The following MTHFD2L variants were observed in gnomAD, a reference collection of about 807,000 sequenced individuals.
The protein encoded by MTHFD2L is bifunctional methylenetetrahydrofolate dehydrogenase/cyclohydrolase 2, mitochondrial.
In MTHFD2L, 29 loss-of-function variants were observed where a neutral mutation model predicts 34.9. That is an observed-to-expected ratio of 0.83 (90% confidence interval 0.62 to 1.13). The LOEUF (loss-of-function observed/expected upper bound fraction) is 1.13, where lower values mean the gene tolerates loss of function less well. Ranked by LOEUF, MTHFD2L falls within the 50% of genes most tolerant of loss-of-function variation. MTHFD2L has a pLI of 0.00. For missense variants in MTHFD2L, 481 were observed against 446.5 expected, an observed-to-expected ratio of 1.08 and a Z score of -0.70; for synonymous variants, 167 against 155.7, an observed-to-expected ratio of 1.07 and a Z score of -0.54.
At chr4:74,157,243 A>G (rs188536764), upstream of MTHFD2L, 6 of 192,196 alleles carry the variant, frequency 3.1e-5, no homozygotes, top group East Asian at 4.3e-4. Flanking sequence ...ACAGTCTATG[A>G]TTTTAAAAAA....
chr4:74,199,746 C>A, intron 3 of MTHFD2L, 48 bp from the exon 4 acceptor site: 1 of 1,505,460 alleles, frequency 6.6e-7, no homozygotes. Flanking sequence ...TTCAGGCTAC[C>A]AAATAAATAA....
chr4:74,121,901 TGAGAAGGCAAC>T (rs2109776189), upstream of MTHFD2L, among the ~76,000 whole-genome samples: 1 of 151,914 alleles, frequency 6.6e-6, no homozygotes, highest in Non-Finnish European at 1.5e-5. Flanking sequence ...GAGGACACAA[TGAGAAGGCAAC>T]TATCTTCAAG....
upstream of MTHFD2L, among the ~76,000 whole-genome samples, chr4:74,119,075 C>A (rs760219018): frequency 6.6e-5 from 10 of 152,168 alleles, no homozygotes; most frequent in South Asian, 2.1e-4. Flanking sequence ...CATATCAAAA[C>A]CCTGTCAGTG....
rs1750426557 is a variant in MTHFD2L at position 74,302,400 on chromosome 4, A to G, written c.*591A>G. On this transcript the variant is annotated 3_prime_UTR_variant, in exon 8 of 8. Coordinates refer to ENST00000325278, the MANE Select transcript of MTHFD2L (RefSeq NM_001144978.3). ...AAATGATGTTCTATTTAAGGAAAGG[A>G]AAATATTCCGGGAAGGCAAAAAATG... is the stretch of plus-strand genomic sequence containing the variant. The G allele has an allele frequency of 6.6e-6, 1 of 152,108 alleles. No individual in the cohort carries two copies. The highest frequency in any genetic ancestry group is 1.5e-5 in the Non-Finnish European group (1 of 67,986). The allele number at this position is 152,108 out of a possible 1,614,324, so 9.4% of individuals were successfully genotyped here. A position where few individuals can be genotyped will look rare whatever the true frequency, so the allele number is the denominator to read the frequency against.
chr4:74,154,199 G>A (rs189346461), upstream of MTHFD2L, among the ~76,000 whole-genome samples: 1 of 152,210 alleles, frequency 6.6e-6, no homozygotes. Flanking sequence ...TACAATTCTC[G>A]CCACATTATA....
rs374287704 is a variant in MTHFD2L, at chr4:74,266,982, A to G, written c.806-14443A>G. The G allele has an allele frequency of 1.6e-5, 16 of 985,458 alleles. No homozygotes were observed. In the African/African-American group the frequency reaches 2.6e-4, roughly 16 times the overall value. 61.0% of individuals were successfully genotyped at this position (985,458 alleles called of 1,614,324 possible). ...AGAAATTGGACTAATTGGTTTTTCA[A>G]GTTGAGCTCTGGGGAACCTAAAGGG... is the stretch of plus-strand genomic sequence containing the variant. On this transcript the variant is annotated intron_variant, in intron 6 of 7. Transcript: ENST00000325278.
chr4:74,287,695 C>T (rs987339992), intron 7 of MTHFD2L, among the ~76,000 whole-genome samples: 5 of 152,186 alleles, frequency 3.3e-5, no homozygotes, highest in Admixed American at 1.3e-4. Context: ...TGCAGTGAGC[C>T]GAGATCGTGC....
At chr4:74,233,641 C>T (rs1415197483) in intron 6 of MTHFD2L, among the ~76,000 whole-genome samples, 1 of 152,028 alleles carries the variant, frequency 6.6e-6, no homozygotes, top group Non-Finnish European at 1.5e-5. Context: ...CTTTCTAATA[C>T]TTTGGTAATA....
rs933767519 is a variant in MTHFD2L, at chr4:74,160,921, T to G, written c.143+2640T>G. 1.3e-4 allele frequency: 20 copies of G among 152,350 alleles called. 1 individual carries two copies. Among genetic ancestry groups the G allele is most frequent in the Admixed American group, 1.1e-3 (17 of 15,310 alleles). 9.4% of individuals were successfully genotyped at this position (152,350 alleles called of 1,614,324 possible). A position where few individuals can be genotyped will look rare whatever the true frequency, so the allele number is the denominator to read the frequency against. Reference sequence around the variant, plus strand: ...ACACAGGGACTTTCACAAAACCCGCTTTGGCTTATTCTACCTGAACTACTT... The same window carrying G: ...ACACAGGGACTTTCACAAAACCCGCGTTGGCTTATTCTACCTGAACTACTT... On this transcript the variant is annotated intron_variant, in intron 1 of 7. Coordinates refer to ENST00000325278, the MANE Select transcript of MTHFD2L (RefSeq NM_001144978.3).
chr4:74,131,232 T>C (rs888093712), intron 1 of MTHFD2L, among the ~76,000 whole-genome samples: 2 of 152,182 alleles, frequency 1.3e-5, no homozygotes, highest in African/African-American at 2.4e-5. Context: ...TAGAAAAAGC[T>C]ACTTTAAATT....
chr4:74,249,030 T>C (rs1036749064), intron 6 of MTHFD2L, among the ~76,000 whole-genome samples: 1 of 152,194 alleles, frequency 6.6e-6, no homozygotes, highest in African/African-American at 2.4e-5. Flanking sequence ...AATTCCTGGG[T>C]ATCCTTGTTA....
chr4:74,178,972 G>A (rs60069701), intron 3 of MTHFD2L, among the ~76,000 whole-genome samples: 42,109 of 151,898 alleles, frequency 0.28, 7,303 homozygotes, highest in East Asian at 0.57. Flanking sequence ...TGGCACATCA[G>A]TGTTATCTAG....
intron 1 of MTHFD2L, among the ~76,000 whole-genome samples, chr4:74,149,290 T>C (rs1350806282): frequency 6.6e-6 from 1 of 151,912 alleles, no homozygotes; most frequent in African/African-American, 2.4e-5. Flanking sequence ...ATTTCCTTTA[T>C]TTGAAATACC....
intron 6 of MTHFD2L, among the ~76,000 whole-genome samples, chr4:74,245,134 G>T (rs908370226): frequency 9.9e-5 from 14 of 140,708 alleles, no homozygotes; most frequent in African/African-American, 3.7e-4. Context: ...GGCAGAGCTT[G>T]CAGTGAGCTG....
intron 1 of MTHFD2L, 80 bp downstream of exon 1, chr4:74,158,361 G>A: frequency 9.4e-7 from 1 of 1,058,424 alleles, no homozygotes; most frequent in Non-Finnish European, 1.2e-6. Flanking sequence ...TCGCGCGCGT[G>A]GGGCCCAAGG....
At chr4:74,294,178 T>G (rs1749347021) in intron 7 of MTHFD2L, among the ~76,000 whole-genome samples, 1 of 152,056 alleles carries the variant, frequency 6.6e-6, no homozygotes, top group Non-Finnish European at 1.5e-5. Context: ...AAAAATAAAT[T>G]TATAGAGAAC....
intron 6 of MTHFD2L, 33 bp from the exon 7 acceptor site, chr4:74,281,392 T>G (rs775587578): frequency 3.1e-6 from 5 of 1,601,134 alleles, no homozygotes; most frequent in Non-Finnish European, 2.6e-6. Context: ...ACCTTTGTTA[T>G]GCTGAAGGAC....
chr4:74,120,542 C>A (rs1721736498), upstream of MTHFD2L, among the ~76,000 whole-genome samples: 1 of 152,190 alleles, frequency 6.6e-6, no homozygotes, highest in Non-Finnish European at 1.5e-5. Flanking sequence ...TCTGGTTTCA[C>A]TACTTGGGTC....
intron 7 of MTHFD2L, among the ~76,000 whole-genome samples, chr4:74,292,811 C>T (rs1749122703): frequency 6.6e-6 from 1 of 151,952 alleles, no homozygotes; most frequent in African/African-American, 2.4e-5. Flanking sequence ...CTGGAGTTCA[C>T]AGAAAGCAAT....
Sources: gnomAD v4.1 joint callset for allele counts (sites outside exome capture counted in the v4.1 genomes callset) on GRCh38, gnomAD v4.1.1 for gene constraint, MANE v1.5 for transcripts, NCBI Gene and HGNC (gene_info 2026-07-23, HGNC 2026-07-21) for gene names.